Variants in PTPRQ observed in about 807,000 individuals in gnomAD.
PTPRQ encodes phosphatidylinositol phosphatase PTPRQ.
A neutral mutation model predicts 246.0 loss-of-function variants in PTPRQ; 199 were observed. The ratio of observed to expected loss-of-function variants is 0.81; its 90% CI spans 0.72 to 0.91. The LOEUF is 0.91. Ranked by LOEUF, PTPRQ falls within the 40% of genes least tolerant of loss-of-function variation. PTPRQ has a pLI of 0.00. For synonymous variants in PTPRQ, 869 were observed against 853.2 expected, an observed-to-expected ratio of 1.02 and a Z score of -0.32; for missense variants, 2,624 against 2,528.4, an observed-to-expected ratio of 1.04 and a Z score of -0.81.
chr12:80,640,401 G>A (rs529533609), intron 35 of PTPRQ, among the ~76,000 whole-genome samples: 16 of 152,138 alleles, frequency 1.1e-4, no homozygotes, highest in South Asian at 8.3e-4. Context: ...TTTTACTTCC[G>A]TTCTAAACTT....
At chr12:80,588,960 T>G (rs1020031882) in intron 26 of PTPRQ, among the ~76,000 whole-genome samples, 1 of 152,172 alleles carries the variant, frequency 6.6e-6, no homozygotes, top group Non-Finnish European at 1.5e-5. Flanking sequence ...CAAAGAAATA[T>G]CAAGCATTCA....
At position 80,670,507 on chromosome 12, in the gene PTPRQ, A is replaced by G. The variant is rs776503702; in HGVS notation, c.6602+15A>G. 270 of 1,519,682 alleles carry G rather than the reference A, an allele frequency of 1.8e-4. No homozygotes were observed. Among genetic ancestry groups the G allele is most frequent in the Non-Finnish European group, 2.1e-4 (241 of 1,131,408 alleles). The allele number at this position is 1,519,682 out of a possible 1,614,324, so 94.1% of individuals were successfully genotyped here. A position where few individuals can be genotyped will look rare whatever the true frequency, so the allele number is the denominator to read the frequency against. On this transcript the variant is annotated intron_variant, in intron 42 of 44. Coordinates refer to ENST00000644991, the MANE Select transcript of PTPRQ (RefSeq NM_001145026.2). The stretch of plus-strand genomic sequence containing the variant: ...GTTCACTGCAGGTGAGAAAGTGATC[A>G]GAAATGGCCTTTGAACCCATTGGTC...
chr12:80,540,810 C>T (rs78158913), intron 20 of PTPRQ, among the ~76,000 whole-genome samples: 3 of 152,098 alleles, frequency 2.0e-5, no homozygotes, highest in Non-Finnish European at 4.4e-5. Flanking sequence ...TGATCAATAC[C>T]ATTTCAGGCA....
At chr12:80,622,898 T>G (rs1899049117) in intron 33 of PTPRQ, among the ~76,000 whole-genome samples, 2 of 151,894 alleles carry the variant, frequency 1.3e-5, no homozygotes, top group South Asian at 4.1e-4. Flanking sequence ...TTTAATAGCT[T>G]TTTTGGATAG....
chr12:80,450,275 G>C (rs1388711874), intron 3 of PTPRQ, among the ~76,000 whole-genome samples: 7 of 152,098 alleles, frequency 4.6e-5, no homozygotes, highest in Non-Finnish European at 7.4e-5. Context: ...AGGAGATTTT[G>C]GGCTGAGACG....
chr12:80,486,735 C>T (rs1430150366), intron 9 of PTPRQ, among the ~76,000 whole-genome samples: 2 of 152,120 alleles, frequency 1.3e-5, no homozygotes, highest in Non-Finnish European at 2.9e-5. Flanking sequence ...AAAGTAGCCT[C>T]ATTCCCCAAC....
intron 8 of PTPRQ, among the ~76,000 whole-genome samples, chr12:80,481,613 T>C (rs1297661226): frequency 1.3e-5 from 2 of 152,124 alleles, no homozygotes; most frequent in Admixed American, 6.5e-5. Context: ...CATGATTGTA[T>C]ATCTAGAAAA....
intron 34 of PTPRQ, 104 bp downstream of exon 34, chr12:80,632,395 AT>A: frequency 7.0e-7 from 1 of 1,431,094 alleles, no homozygotes; most frequent in Non-Finnish European, 9.4e-7. Context: ...AATGGGAAAC[AT>A]TTTTATTTTT....
chr12:80,566,627 C>A (rs1019604956), intron 25 of PTPRQ, among the ~76,000 whole-genome samples: 7 of 152,076 alleles, frequency 4.6e-5, no homozygotes, highest in Non-Finnish European at 1.0e-4. Context: ...GCAGCTTTAA[C>A]CTTTTGGGCT....
chr12:80,495,634 G>A (rs1894593530), intron 12 of PTPRQ, among the ~76,000 whole-genome samples: 1 of 151,916 alleles, frequency 6.6e-6, no homozygotes, highest in Non-Finnish European at 1.5e-5. Context: ...CTTAACTGAA[G>A]GAATACTGTA....
intron 39 of PTPRQ, among the ~76,000 whole-genome samples, chr12:80,658,933 CAA>C (rs1900538735): frequency 6.6e-6 from 1 of 151,972 alleles, no homozygotes; most frequent in South Asian, 2.1e-4. Context: ...TCTCCAACGT[CAA>C]ACATACTTGT....
chr12:80,578,377 T>A (rs1027156262), intron 25 of PTPRQ, among the ~76,000 whole-genome samples: 2 of 151,422 alleles, frequency 1.3e-5, no homozygotes, highest in African/African-American at 4.9e-5. Context: ...TGGGAAAAAA[T>A]TTTTATTTTT....
intron 43 of PTPRQ, among the ~76,000 whole-genome samples, chr12:80,675,635 C>A (rs1350742068): frequency 6.6e-6 from 1 of 152,150 alleles, no homozygotes; most frequent in African/African-American, 2.4e-5. Context: ...TGCTCTGCAA[C>A]TTTGTAGAAT....
rs147591320 is a variant in PTPRQ, at chr12:80,517,295, C to G, written c.2678+6852C>G. Reference sequence around the variant, plus strand: ...ATCAGCAGAGTTGAATGGTGGCTGTCTTTTATTTGAAGCATTTGCTTAGTT... The same window carrying G: ...ATCAGCAGAGTTGAATGGTGGCTGTGTTTTATTTGAAGCATTTGCTTAGTT... On this transcript the variant is annotated intron_variant, in intron 17 of 44. Transcript: ENST00000644991. Among the ~76,000 whole-genome samples the G allele has an allele frequency of 4.5e-4, 69 of 152,154 alleles. No individual in the cohort carries two copies. The East Asian group carries it at 0.011, about 24-fold the overall frequency.
At chr12:80,472,051 C>T in intron 7 of PTPRQ, 54 bp from the exon 8 acceptor site, 1 of 1,543,092 alleles carries the variant, frequency 6.5e-7, no homozygotes, top group Non-Finnish European at 8.8e-7. Flanking sequence ...TAAATGTGAA[C>T]ATGATTGCAC....
chr12:80,542,022 A>T (rs1410198316), intron 21 of PTPRQ, 67 bp from the exon 22 acceptor site: 2 of 1,505,008 alleles, frequency 1.3e-6, no homozygotes, highest in East Asian at 2.5e-5. Context: ...TCCCATTATG[A>T]TTGAATCCTC....
intron 4 of PTPRQ, among the ~76,000 whole-genome samples, chr12:80,459,024 T>C (rs1371352016): frequency 4.6e-5 from 7 of 152,142 alleles, no homozygotes; most frequent in Non-Finnish European, 8.8e-5. Context: ...TCACAACTAT[T>C]GATTGAATTT....
intron 38 of PTPRQ, among the ~76,000 whole-genome samples, chr12:80,657,140 G>A (rs777850796): frequency 6.6e-6 from 1 of 151,732 alleles, no homozygotes; most frequent in Admixed American, 6.6e-5. Flanking sequence ...GACAAAAGGC[G>A]ATATGTAGCC....
rs377263939 is a variant in PTPRQ at position 80,555,250 on chromosome 12, T to G, written c.4285+5516T>G. Reference sequence around the variant, plus strand: ...AATTTTTTATTTATTTTTGTAGAGATAGTCTCACTATGTTGCCCAGGCTGG... The same window carrying G: ...AATTTTTTATTTATTTTTGTAGAGAGAGTCTCACTATGTTGCCCAGGCTGG... On this transcript the variant is annotated intron_variant, in intron 25 of 44. Transcript: ENST00000644991. 9.9e-4 allele frequency among the ~76,000 whole-genome samples: 150 copies of G among 152,000 alleles called. 1 individual carries two copies. In the Middle Eastern group the frequency reaches 0.024, roughly 24 times the overall value.
Sources: gnomAD v4.1 joint callset for allele counts (sites outside exome capture counted in the v4.1 genomes callset) on GRCh38, gnomAD v4.1.1 for gene constraint, MANE v1.5 for transcripts, NCBI Gene and HGNC (gene_info 2026-07-23, HGNC 2026-07-21) for gene names.